Variants in SPOCK3 observed in about 807,000 individuals in gnomAD.
SPOCK3 encodes the protein SPARC (osteonectin), cwcv and kazal like domains proteoglycan 3.
SPOCK3 carries 30 observed loss-of-function variants against 56.6 expected under a neutral mutation model. That is an observed-to-expected ratio of 0.53 (90% CI 0.40 to 0.72). SPOCK3 has a LOEUF of 0.72. Ranked by LOEUF, SPOCK3 falls within the 30% of genes least tolerant of loss-of-function variation. The pLI is 0.00. For synonymous variants in SPOCK3, 196 were observed against 183.3 expected (o/e 1.07, Z -0.56); for missense variants, 527 against 530.0 (o/e 0.99, Z 0.06).
chr4:167,168,876 C>T lies in SPOCK3; in HGVS notation c.189+65109G>A, dbSNP rs139188029. 4.7e-3 allele frequency among the ~76,000 whole-genome samples: 721 copies of T among 152,164 alleles called. 4 individuals carry two copies. Among genetic ancestry groups the T allele is most frequent in the Non-Finnish European group, 7.6e-3 (518 of 67,994 alleles). ...CTTGTGGGGCAGGCACACAGCCCTG[C>T]TTCTATGTGTAGCCTAGGGACTTGG... On this transcript the variant is annotated intron_variant, in intron 2 of 10. Coordinates refer to ENST00000357545, the MANE Select transcript of SPOCK3 (RefSeq NM_001040159.2).
chr4:167,056,617 G>T (rs1754900052), intron 3 of SPOCK3, among the ~76,000 whole-genome samples: 1 of 152,202 alleles, frequency 6.6e-6, no homozygotes, highest in South Asian at 2.1e-4. Flanking sequence ...GAAAGCCAAG[G>T]CTCGAGAACT....
At chr4:166,973,227 C>T (rs777638592) in intron 4 of SPOCK3, among the ~76,000 whole-genome samples, 4 of 152,124 alleles carry the variant, frequency 2.6e-5, no homozygotes, top group African/African-American at 4.8e-5. Context: ...TGCCTTCTTC[C>T]CCTTCACCTT....
At chr4:166,746,197 G>T (rs1461425601) in intron 8 of SPOCK3, among the ~76,000 whole-genome samples, 1 of 152,064 alleles carries the variant, frequency 6.6e-6, no homozygotes, top group Non-Finnish European at 1.5e-5. Flanking sequence ...CTTCTCAGAA[G>T]CACATCACAC....
At chr4:167,041,989 C>T (rs1202213354) in intron 3 of SPOCK3, among the ~76,000 whole-genome samples, 1 of 152,098 alleles carries the variant, frequency 6.6e-6, no homozygotes, top group Non-Finnish European at 1.5e-5. Flanking sequence ...TAAACAATTT[C>T]ATGTTTAGAT....
intron 6 of SPOCK3, among the ~76,000 whole-genome samples, chr4:166,882,432 C>T (rs966533994): frequency 6.6e-6 from 1 of 152,100 alleles, no homozygotes; most frequent in South Asian, 2.1e-4. Context: ...TGTGATTTGT[C>T]GGGACCCAGT....
chr4:166,764,754 G>A (rs1737747458), intron 7 of SPOCK3, among the ~76,000 whole-genome samples: 1 of 152,026 alleles, frequency 6.6e-6, no homozygotes, highest in Non-Finnish European at 1.5e-5. Context: ...ATGTCTTTGA[G>A]GAATCACCAC....
intron 5 of SPOCK3, among the ~76,000 whole-genome samples, chr4:166,897,297 CAG>C (rs1371039571): frequency 5.3e-5 from 8 of 152,040 alleles, no homozygotes; most frequent in Non-Finnish European, 1.5e-5. Flanking sequence ...CTTGTGGGAG[CAG>C]AGACACTGGC....
intron 6 of SPOCK3, among the ~76,000 whole-genome samples, chr4:166,836,806 G>A (rs557411719): frequency 3.3e-5 from 5 of 152,126 alleles, no homozygotes; most frequent in Non-Finnish European, 5.9e-5. Flanking sequence ...AAAATTCCCC[G>A]ATCTTGGTAT....
intron 3 of SPOCK3, among the ~76,000 whole-genome samples, chr4:167,021,580 C>A (rs1465442021): frequency 6.6e-6 from 1 of 151,976 alleles, no homozygotes; most frequent in Non-Finnish European, 1.5e-5. Context: ...AGAGTTCCCA[C>A]ATCCCTACCC....
chr4:166,783,048 ATATCT>A (rs1740345385), intron 7 of SPOCK3, among the ~76,000 whole-genome samples: 1 of 152,196 alleles, frequency 6.6e-6, no homozygotes, highest in South Asian at 2.1e-4. Context: ...CTGTAAGTAC[ATATCT>A]TTGTATGAAA....
At chr4:166,886,870 C>T (rs1178438610) in intron 6 of SPOCK3, among the ~76,000 whole-genome samples, 2 of 152,132 alleles carry the variant, frequency 1.3e-5, no homozygotes, top group Non-Finnish European at 2.9e-5. Context: ...TCCCCTGTCT[C>T]TCAGCCTTTG....
chr4:167,184,374 T>C (rs976967313), intron 2 of SPOCK3, among the ~76,000 whole-genome samples: 1 of 152,174 alleles, frequency 6.6e-6, no homozygotes, highest in African/African-American at 2.4e-5. Flanking sequence ...TAATTCACTA[T>C]ATATCATTCT....
At chr4:166,772,894 G>A (rs1739115582) in intron 7 of SPOCK3, among the ~76,000 whole-genome samples, 1 of 152,070 alleles carries the variant, frequency 6.6e-6, no homozygotes, top group African/African-American at 2.4e-5. Flanking sequence ...GAGCTCAAGT[G>A]ATCTTCCCAC....
intron 4 of SPOCK3, among the ~76,000 whole-genome samples, chr4:166,957,946 G>A (rs1743677533): frequency 6.6e-6 from 1 of 152,134 alleles, no homozygotes; most frequent in Admixed American, 6.5e-5. Context: ...TGAAGAATTG[G>A]GGGGTTACTG....
At chr4:167,208,965 G>T (rs1022318156) in intron 2 of SPOCK3, among the ~76,000 whole-genome samples, 17 of 151,974 alleles carry the variant, frequency 1.1e-4, no homozygotes, top group Non-Finnish European at 1.9e-4. Flanking sequence ...ATTTGTATTT[G>T]CACATAGATC....
At chr4:167,030,548 C>T (rs1057016406) in intron 3 of SPOCK3, among the ~76,000 whole-genome samples, 33 of 151,932 alleles carry the variant, frequency 2.2e-4, no homozygotes, top group Admixed American at 1.3e-3. Context: ...AGCAAAGGGC[C>T]TATGAGTGTT....
chr4:166,855,852 A>G (rs1199394977), intron 6 of SPOCK3, among the ~76,000 whole-genome samples: 3 of 152,106 alleles, frequency 2.0e-5, no homozygotes, highest in Admixed American at 1.3e-4. Flanking sequence ...GGTGATGCTG[A>G]TCCTGATTAT....
At chr4:166,868,967 GA>G in intron 6 of SPOCK3, among the ~76,000 whole-genome samples, 1 of 152,018 alleles carries the variant, frequency 6.6e-6, no homozygotes, top group East Asian at 1.9e-4. Context: ...CTAATTTTTG[GA>G]AATAAAGTTT....
chr4:166,765,563 A>G (rs1438974788), intron 7 of SPOCK3, among the ~76,000 whole-genome samples: 5 of 152,196 alleles, frequency 3.3e-5, no homozygotes, highest in Admixed American at 1.3e-4. Flanking sequence ...TTTTGGTACC[A>G]GTACCATGCT....
Sources: allele counts gnomAD v4.1 joint callset (sites outside exome capture counted in the v4.1 genomes callset), GRCh38; gene constraint gnomAD v4.1.1; transcripts MANE v1.5; gene names NCBI Gene and HGNC (gene_info 2026-07-23, HGNC 2026-07-21).